R3HDM2: variants seen among roughly 807,000 people sequenced by gnomAD.
The protein encoded by R3HDM2 is R3H domain containing 2.
In R3HDM2, 38 loss-of-function variants were observed where a neutral mutation model predicts 124.5. The observed-to-expected ratio is 0.31, with a 90% CI of 0.24 to 0.40. R3HDM2 has a LOEUF of 0.40. Ranked by LOEUF, R3HDM2 falls within the 10% of genes least tolerant of loss-of-function variation. The pLI is 1.00. For synonymous variants in R3HDM2, 391 were observed against 448.0 expected (o/e 0.87, Z 1.61); for missense variants, 869 against 1,236.9 (o/e 0.70, Z 4.46).
At chr12:57,402,635 G>A (rs1047690500) in intron 1 of R3HDM2, among the ~76,000 whole-genome samples, 1 of 152,074 alleles carries the variant, frequency 6.6e-6, no homozygotes, top group Non-Finnish European at 1.5e-5. Flanking sequence ...CAGGCGTGGT[G>A]GCAGGCGCTT....
chr12:57,386,344 T>G (rs4760305), intron 2 of R3HDM2, among the ~76,000 whole-genome samples: 4 of 152,094 alleles, frequency 2.6e-5, no homozygotes, highest in Non-Finnish European at 4.4e-5. Context: ...AGGCTGCCCA[T>G]GGCGCTTGCG....
intron 19 of R3HDM2, among the ~76,000 whole-genome samples, chr12:57,260,386 A>ACTGACTG (rs1429231665): frequency 6.6e-6 from 1 of 151,730 alleles, no homozygotes; most frequent in Non-Finnish European, 1.5e-5. Flanking sequence ...GGTTCAGGTG[A>ACTGACTG]CTGACTGAAT....
intron 14 of R3HDM2, among the ~76,000 whole-genome samples, 164 bp from the exon 15 acceptor site, chr12:57,270,158 T>TC (rs772058605): frequency 4.6e-5 from 7 of 152,200 alleles, no homozygotes; most frequent in Admixed American, 2.0e-4. Flanking sequence ...GCTGTTGAAG[T>TC]CCAACTCCAG....
intron 14 of R3HDM2, among the ~76,000 whole-genome samples, chr12:57,273,113 G>C (rs1376612470): frequency 6.6e-6 from 1 of 152,078 alleles, no homozygotes; most frequent in Non-Finnish European, 1.5e-5. Flanking sequence ...TCCCTCCCAA[G>C]GGCAGAGAAG....
chr12:57,400,350 G>A (rs995384217), intron 1 of R3HDM2, among the ~76,000 whole-genome samples: 3 of 150,886 alleles, frequency 2.0e-5, no homozygotes, highest in Non-Finnish European at 4.4e-5. Context: ...ACCAAACACC[G>A]CATGTTCTCA....
intron 2 of R3HDM2, among the ~76,000 whole-genome samples, chr12:57,345,498 TATACACACACAC>T (rs1253541266): frequency 1.1e-5 from 1 of 90,630 alleles, no homozygotes; most frequent in Admixed American, 1.5e-4. Context: ...ATATTTCTTT[TATACACACACAC>T]ACACACACAC....
chr12:57,277,124 C>T (rs1341186303), intron 14 of R3HDM2, among the ~76,000 whole-genome samples: 1 of 151,526 alleles, frequency 6.6e-6, no homozygotes, highest in Non-Finnish European at 1.5e-5. Flanking sequence ...AAAAGACTGC[C>T]CTGAGGGATG....
chr12:57,318,637 G>C (rs1480543106), intron 2 of R3HDM2, among the ~76,000 whole-genome samples: 1 of 149,930 alleles, frequency 6.7e-6, no homozygotes, highest in East Asian at 2.0e-4. Flanking sequence ...AAACAAGCGA[G>C]ACTCCATCTC....
chr12:57,428,046 G>GGTTCAAGGTA (rs1868348936), intron 1 of R3HDM2, among the ~76,000 whole-genome samples: 1 of 151,918 alleles, frequency 6.6e-6, no homozygotes, highest in East Asian at 1.9e-4. Flanking sequence ...CTTGAACCCA[G>GGTTCAAGGTA]GAGGTAGAGG....
chr12:57,282,071 A>G (rs1281159327), intron 13 of R3HDM2, among the ~76,000 whole-genome samples: 2 of 151,992 alleles, frequency 1.3e-5, no homozygotes, highest in African/African-American at 4.8e-5. Context: ...GCACTTTGGG[A>G]GGCTTAGGTG....
At chr12:57,401,412 T>C (rs914808354) in intron 1 of R3HDM2, among the ~76,000 whole-genome samples, 1 of 152,062 alleles carries the variant, frequency 6.6e-6, no homozygotes, top group South Asian at 2.1e-4. Flanking sequence ...AGCCCAATGC[T>C]AGACATGTGA....
At chr12:57,305,650 A>G in intron 3 of R3HDM2, 2 of 399,036 alleles carry the variant, frequency 5.0e-6, no homozygotes, top group Non-Finnish European at 8.8e-6. Flanking sequence ...CTTGTCAAAA[A>G]GGAACTCATA....
At chr12:57,400,066 G>A (rs2067910372) in intron 1 of R3HDM2, among the ~76,000 whole-genome samples, 2 of 152,116 alleles carry the variant, frequency 1.3e-5, no homozygotes, top group Admixed American at 6.6e-5. Context: ...ATTTGACCCA[G>A]CCATCCCATT....
At position 57,268,782 on chromosome 12, in the gene R3HDM2, T is replaced by C. The variant is rs975658990; in HGVS notation, c.1875+140A>G. On this transcript the variant is annotated intron_variant, in intron 17 of 23. Coordinates refer to ENST00000402412, the MANE Select transcript of R3HDM2 (RefSeq NM_001394031.1). ...CTAAAACTCCATGGGCTTTCCGTTA[T>C]AGGAAAAAAACCTAAAAATTCTAGG... The C allele has an allele frequency of 1.3e-5, 15 of 1,122,200 alleles. No homozygotes were observed. The Admixed American group carries it at 1.5e-4, about 11-fold the overall frequency. 69.5% of individuals were successfully genotyped at this position (1,122,200 alleles called of 1,614,324 possible).
At chr12:57,399,801 T>C (rs1375962713) in intron 1 of R3HDM2, among the ~76,000 whole-genome samples, 2 of 152,290 alleles carry the variant, frequency 1.3e-5, no homozygotes, top group African/African-American at 4.8e-5. Context: ...GTTTTTAAAG[T>C]AAGCTAAATC....
chr12:57,414,216 G>T (rs1326085094), intron 1 of R3HDM2, among the ~76,000 whole-genome samples: 1 of 150,792 alleles, frequency 6.6e-6, no homozygotes, highest in East Asian at 2.0e-4. Flanking sequence ...CCAGACACAG[G>T]GGCTCATGCC....
chr12:57,312,701 T>G (rs2054165863), intron 2 of R3HDM2, among the ~76,000 whole-genome samples: 1 of 152,012 alleles, frequency 6.6e-6, no homozygotes, highest in African/African-American at 2.4e-5. Flanking sequence ...TGAAACAATG[T>G]CTCTACTAAA....
In R3HDM2 at chr12:57,269,292, A is replaced by T. The variant is rs759717601; in HGVS notation, c.1714+31T>A. On this transcript the variant is annotated intron_variant, in intron 16 of 23. Coordinates refer to ENST00000402412, the MANE Select transcript of R3HDM2 (RefSeq NM_001394031.1). The stretch of plus-strand genomic sequence containing the variant: ...TTCCTGGTGTGCCCTTCCCTTATTC[A>T]CTGCCTTCTTAAACCAGTGGTTTCT... The T allele has an allele frequency of 6.8e-6, 11 of 1,611,060 alleles. No homozygotes were observed. The Admixed American group carries it at 1.8e-4, about 27-fold the overall frequency.
intron 3 of R3HDM2, chr12:57,305,783 GA>G (rs1299058566): frequency 9.9e-5 from 39 of 394,844 alleles, no homozygotes; most frequent in Middle Eastern, 6.4e-4. Context: ...GCAACCCATA[GA>G]TTCATACATT....
Sources: allele counts gnomAD v4.1 joint callset (sites outside exome capture counted in the v4.1 genomes callset), GRCh38; gene constraint gnomAD v4.1.1; transcripts MANE v1.5; gene names NCBI Gene and HGNC (gene_info 2026-07-23, HGNC 2026-07-21).